MAGI2: variants seen among roughly 807,000 people sequenced by gnomAD.
The protein encoded by MAGI2 is membrane associated guanylate kinase, WW and PDZ domain containing 2, also known as membrane-associated guanylate kinase, WW and PDZ domain-containing protein 2.
MAGI2 carries 35 observed loss-of-function variants against 133.3 expected under a neutral mutation model. The ratio of observed to expected loss-of-function variants is 0.26; its 90% CI spans 0.20 to 0.35. The LOEUF (loss-of-function observed/expected upper bound fraction) is 0.35. MAGI2 is among the 10% of genes least tolerant of loss of function. MAGI2 has a pLI of 1.00. For missense variants in MAGI2, 1,636 were observed against 1,863.4 expected (o/e 0.88, Z 2.25); for synonymous variants, 729 against 710.6 (o/e 1.03, Z -0.41).
intron 9 of MAGI2, among the ~76,000 whole-genome samples, chr7:78,318,725 G>C: frequency 6.6e-6 from 1 of 152,144 alleles, no homozygotes; most frequent in Non-Finnish European, 1.5e-5. Context: ...AAAGAGAAAG[G>C]TCAGGTTACC....
At chr7:78,719,429 T>C (rs1204072813) in intron 2 of MAGI2, among the ~76,000 whole-genome samples, 1 of 152,178 alleles carries the variant, frequency 6.6e-6, no homozygotes. Context: ...TGTTGGCAAG[T>C]TTAGTAAGAC....
intron 2 of MAGI2, among the ~76,000 whole-genome samples, chr7:78,683,439 A>G (rs1030943557): frequency 8.5e-5 from 13 of 152,118 alleles, no homozygotes; most frequent in African/African-American, 3.1e-4. Flanking sequence ...TGGCAGAGGA[A>G]AAGTTATTGG....
intron 2 of MAGI2, among the ~76,000 whole-genome samples, chr7:78,868,806 T>A (rs1794790687): frequency 6.6e-6 from 1 of 151,906 alleles, no homozygotes; most frequent in African/African-American, 2.4e-5. Context: ...CAGGCTGGAG[T>A]GCAGTGGCGA....
intron 4 of MAGI2, among the ~76,000 whole-genome samples, chr7:78,511,555 T>TATATAAA (rs1563103866): frequency 1.7e-5 from 2 of 118,716 alleles, no homozygotes; most frequent in South Asian, 2.6e-4. Context: ...ATATAAATTT[T>TATATAAA]TTTTTTTTTT....
chr7:79,016,536 G>A (rs1315832463), intron 1 of MAGI2, among the ~76,000 whole-genome samples: 1 of 152,064 alleles, frequency 6.6e-6, no homozygotes, highest in East Asian at 1.9e-4. Flanking sequence ...TCCTACCACA[G>A]TCTCCCCTGA....
intron 6 of MAGI2, among the ~76,000 whole-genome samples, chr7:78,397,180 T>C (rs1024810904): frequency 6.6e-6 from 1 of 151,928 alleles, no homozygotes; most frequent in African/African-American, 2.4e-5. Context: ...AGCCTTACTT[T>C]TTAAAAAGAA....
intron 2 of MAGI2, among the ~76,000 whole-genome samples, chr7:78,749,018 C>G (rs1823203176): frequency 6.6e-6 from 1 of 152,110 alleles, no homozygotes; most frequent in South Asian, 2.1e-4. Context: ...AGTGGTGAAA[C>G]CTATTTTTAA....
In MAGI2 at chr7:78,048,629, T is replaced by A. The variant is rs140287704; in HGVS notation, c.3707-28653A>T. Among the ~76,000 whole-genome samples, 615 of 152,326 alleles carry A rather than the reference T, an allele frequency of 4.0e-3. 4 individuals are homozygous for A. The highest frequency in any genetic ancestry group is 0.014 in the African/African-American group (577 of 41,574). ...TTTTTTCTTCCTATAATATTTCTCC[T>A]CAGTCTCATATTTGTATAAGCTGGA... is the stretch of plus-strand genomic sequence containing the variant. On this transcript the variant is annotated intron_variant, in intron 21 of 21. Transcript: ENST00000354212.
intron 6 of MAGI2, among the ~76,000 whole-genome samples, chr7:78,487,893 G>C (rs1394198667): frequency 5.9e-5 from 9 of 152,036 alleles, no homozygotes; most frequent in Non-Finnish European, 1.3e-4. Flanking sequence ...AAGTTCAATA[G>C]CAATCCATTA....
At chr7:78,854,796 G>C (rs190128283) in intron 2 of MAGI2, among the ~76,000 whole-genome samples, 1 of 151,734 alleles carries the variant, frequency 6.6e-6, no homozygotes, top group Non-Finnish European at 1.5e-5. Context: ...TATTTATTTC[G>C]ATTCAGTAAA....
intron 10 of MAGI2, among the ~76,000 whole-genome samples, chr7:78,209,939 C>G (rs986913383): frequency 6.6e-6 from 1 of 152,178 alleles, no homozygotes; most frequent in Admixed American, 6.5e-5. Flanking sequence ...TTTGTCCACT[C>G]TTTCTTACTC....
chr7:78,990,670 T>C (rs1805669743), intron 2 of MAGI2, among the ~76,000 whole-genome samples: 2 of 152,076 alleles, frequency 1.3e-5, no homozygotes, highest in Admixed American at 6.6e-5. Flanking sequence ...TTTAAACATT[T>C]ATTTTGTGAT....
chr7:78,638,862 G>C (rs1809964407), intron 2 of MAGI2, among the ~76,000 whole-genome samples: 1 of 152,052 alleles, frequency 6.6e-6, no homozygotes, highest in Non-Finnish European at 1.5e-5. Context: ...TTAATAAAAG[G>C]AGGCTTTTGA....
intron 2 of MAGI2, among the ~76,000 whole-genome samples, chr7:78,657,681 A>G (rs896873646): frequency 1.2e-4 from 19 of 152,214 alleles, no homozygotes; most frequent in African/African-American, 4.3e-4. Context: ...TAGGCAGAGC[A>G]TATGTGATTT....
intron 1 of MAGI2, among the ~76,000 whole-genome samples, chr7:79,163,171 G>A (rs1468660): frequency 0.72 from 109,183 of 151,964 alleles, 41,102 homozygotes; most frequent in Non-Finnish European, 0.84. Flanking sequence ...GTCCTATGAC[G>A]ATTTATTTAT....
At chr7:78,381,208 G>A (rs1045839062) in intron 6 of MAGI2, among the ~76,000 whole-genome samples, 3 of 152,056 alleles carry the variant, frequency 2.0e-5, no homozygotes, top group African/African-American at 7.2e-5. Flanking sequence ...TTAGCTGGCC[G>A]TTGTGGCGCG....
chr7:79,105,850 T>A (rs1439815476), intron 1 of MAGI2, among the ~76,000 whole-genome samples: 5 of 152,150 alleles, frequency 3.3e-5, no homozygotes, highest in Non-Finnish European at 5.9e-5. Context: ...TTTTCAACAT[T>A]AAAAACTTGC....
At chr7:78,437,501 C>T (rs1800411087) in intron 6 of MAGI2, among the ~76,000 whole-genome samples, 1 of 152,162 alleles carries the variant, frequency 6.6e-6, no homozygotes, top group African/African-American at 2.4e-5. Context: ...ATTTTGCTTC[C>T]ACTCACATGC....
chr7:78,693,449 G>A (rs1273562132), intron 2 of MAGI2, among the ~76,000 whole-genome samples: 3 of 152,076 alleles, frequency 2.0e-5, no homozygotes, highest in Non-Finnish European at 4.4e-5. Flanking sequence ...TACGGGTCAA[G>A]CAGAATCAAA....
Sources: gnomAD v4.1 joint callset for allele counts (sites outside exome capture counted in the v4.1 genomes callset) on GRCh38, gnomAD v4.1.1 for gene constraint, MANE v1.5 for transcripts, NCBI Gene and HGNC (gene_info 2026-07-23, HGNC 2026-07-21) for gene names.